Variants in LRP6 observed in about 807,000 individuals in gnomAD.
The protein encoded by LRP6 is low-density lipoprotein receptor-related protein 6.
LRP6 carries 43 observed loss-of-function variants against 184.1 expected under a neutral mutation model. The ratio of observed to expected loss-of-function variants is 0.23; its 90% CI spans 0.18 to 0.30. The LOEUF (loss-of-function observed/expected upper bound fraction) is 0.30, where lower values mean the gene tolerates loss of function less well. LRP6 is among the 10% of genes least tolerant of loss of function. The probability of loss-of-function intolerance (pLI) is 1.00; values close to 1 mark genes in which losing one functional copy is unlikely to be tolerated. For missense variants in LRP6, 1,571 were observed against 2,005.3 expected, an observed-to-expected ratio of 0.78 and a Z score of 4.14; for synonymous variants, 719 against 684.9, an observed-to-expected ratio of 1.05 and a Z score of -0.78.
At position 12,162,505 on chromosome 12, in the gene LRP6, G is replaced by A; in HGVS notation, c.2053-86C>T. On this transcript the variant is annotated intron_variant, in intron 9 of 22. Transcript: ENST00000261349. ...AGGTTTGGTTTGGTTTTTGTCAGGG[G>A]CAAGAGGATCCAGAAGTGCCAAGAG... The A allele has an allele frequency of 7.2e-6, 8 of 1,106,476 alleles. No homozygotes were observed. In the South Asian group the frequency reaches 9.9e-5, roughly 14 times the overall value. 68.5% of individuals were successfully genotyped at this position (1,106,476 alleles called of 1,614,324 possible).
intron 15 of LRP6, among the ~76,000 whole-genome samples, chr12:12,143,439 G>A (rs186759932): frequency 7.2e-5 from 11 of 152,156 alleles, no homozygotes; most frequent in East Asian, 3.9e-4. Flanking sequence ...TGGAAATTGC[G>A]GTAGTTAACA....
chr12:12,195,906 G>T (rs555110622), intron 3 of LRP6, among the ~76,000 whole-genome samples: 18 of 152,008 alleles, frequency 1.2e-4, no homozygotes, highest in Non-Finnish European at 2.5e-4. Flanking sequence ...TCTTCCACAT[G>T]TGGATATCCA....
intron 2 of LRP6, among the ~76,000 whole-genome samples, chr12:12,231,781 G>A (rs1004895832): frequency 6.6e-6 from 1 of 151,794 alleles, no homozygotes; most frequent in Non-Finnish European, 1.5e-5. Context: ...TTGGGAGGCT[G>A]AGATGGGCAG....
intron 1 of LRP6, among the ~76,000 whole-genome samples, chr12:12,265,119 TTA>T (rs1319315137): frequency 2.0e-5 from 3 of 152,238 alleles, no homozygotes; most frequent in African/African-American, 7.2e-5. Context: ...CCTATTAACC[TTA>T]TGTCTTAAAA....
At chr12:12,175,281 C>T (rs759684311) in intron 7 of LRP6, among the ~76,000 whole-genome samples, 16 of 151,934 alleles carry the variant, frequency 1.1e-4, no homozygotes, top group African/African-American at 3.6e-4. Flanking sequence ...CCCAGCTACT[C>T]GGGAGGCTGG....
At chr12:12,230,607 A>C (rs992953423) in intron 2 of LRP6, among the ~76,000 whole-genome samples, 2 of 152,216 alleles carry the variant, frequency 1.3e-5, no homozygotes, top group Non-Finnish European at 2.9e-5. Flanking sequence ...AGTCATTAAT[A>C]TACATATTAG....
Position 12,245,810 on chromosome 12 carries a change from G to A in LRP6, c.56-1155C>T, listed in dbSNP as rs74538230. Among the ~76,000 whole-genome samples, 1,231 of 151,964 alleles carry A rather than the reference G, an allele frequency of 8.1e-3. 22 individuals carry two copies. Among genetic ancestry groups the A allele is most frequent in the African/African-American group, 0.029 (1,190 of 41,448 alleles). On this transcript the variant is annotated intron_variant, in intron 1 of 22. Transcript: ENST00000261349. ...TATTAAATATCTATTCCAAGCTTCT[G>A]ACATTTACTTTCCTAGTATCAAGCA... is the stretch of plus-strand genomic sequence containing the variant.
intron 3 of LRP6, among the ~76,000 whole-genome samples, chr12:12,190,662 T>A (rs1441414006): frequency 6.6e-6 from 1 of 152,170 alleles, no homozygotes; most frequent in Non-Finnish European, 1.5e-5. Context: ...TTTCTGGACC[T>A]CCTCACAGAT....
chr12:12,191,484 A>T (rs1163987022), intron 3 of LRP6, among the ~76,000 whole-genome samples: 1 of 152,218 alleles, frequency 6.6e-6, no homozygotes, highest in Non-Finnish European at 1.5e-5. Flanking sequence ...CTGAATGTTC[A>T]AGCAAAACAG....
At chr12:12,170,791 TCA>T (rs10571241) in intron 7 of LRP6, among the ~76,000 whole-genome samples, 56,307 of 142,548 alleles carry the variant, frequency 0.4, 11,539 homozygotes, top group East Asian at 0.52. Context: ...TAAAATTACT[TCA>T]CACACACACA....
intron 6 of LRP6, among the ~76,000 whole-genome samples, chr12:12,180,700 T>C (rs900337148): frequency 1.3e-5 from 2 of 152,058 alleles, no homozygotes; most frequent in Non-Finnish European, 2.9e-5. Context: ...GTACTGAAAA[T>C]GGAATTAAAG....
chr12:12,117,014 C>T lies in LRP6; in HGVS notation c.*4112G>A, dbSNP rs912915390. The T allele has an allele frequency of 2.0e-4, 30 of 152,158 alleles. No individual in the cohort carries two copies. The highest frequency in any genetic ancestry group is 6.5e-4 in the African/African-American group (27 of 41,514). The allele number at this position is 152,158 out of a possible 1,614,324, so 9.4% of individuals were successfully genotyped here. A position where few individuals can be genotyped will look rare whatever the true frequency, so the allele number is the denominator to read the frequency against. ...TATACTTGAGGTCCAAAGTCTTCTACCATAAAATGTTGAGAATTTCAAAAG... is the reference window on the plus strand; with the variant it reads ...TATACTTGAGGTCCAAAGTCTTCTATCATAAAATGTTGAGAATTTCAAAAG... On this transcript the variant is annotated 3_prime_UTR_variant, in exon 23 of 23. Transcript: ENST00000261349.
chr12:12,147,370 G>C lies in LRP6; in HGVS notation c.3393C>G (p.Leu1131=), dbSNP rs1327975246. The C allele has an allele frequency of 6.2e-7, 1 of 1,614,112 alleles. No homozygotes were observed. The highest frequency in any genetic ancestry group is 2.2e-5 in the East Asian group (1 of 44,876). Residue 1131 remains leucine (L), a synonymous_variant, in exon 15 of 23, where the codon CTC becomes CTG. Transcript: ENST00000261349. ...SDLRRIESSD[L]SGANRIVLED... ...GGAAACATATTTCTTGGGTACCTGA[G>C]AGATCACTGCTTTCAATTCGCCGGA...
At chr12:12,223,744 T>A (rs1864547123) in intron 2 of LRP6, among the ~76,000 whole-genome samples, 1 of 152,218 alleles carries the variant, frequency 6.6e-6, no homozygotes, top group African/African-American at 2.4e-5. Context: ...AAGTGTACAC[T>A]GTATATAGTA....
At position 12,266,742 on chromosome 12, in the gene LRP6, T is replaced by C; in HGVS notation, c.-7A>G. 6.2e-7 allele frequency: 1 copy of C among 1,611,998 alleles called. No homozygotes were observed. Among genetic ancestry groups the C allele is most frequent in the East Asian group, 2.2e-5 (1 of 44,770 alleles). Reference sequence around the variant, plus strand: ...TCCTCAGGACGGCCCCCATCTTCCCTTCTCGCGTTCTCTTCTCTCACCGGC... The same window carrying C: ...TCCTCAGGACGGCCCCCATCTTCCCCTCTCGCGTTCTCTTCTCTCACCGGC... On this transcript the variant is annotated 5_prime_UTR_variant, in exon 1 of 23. Coordinates refer to ENST00000261349, the MANE Select transcript of LRP6 (RefSeq NM_002336.3).
intron 7 of LRP6, among the ~76,000 whole-genome samples, chr12:12,171,099 G>GTCTCTA (rs1863026038): frequency 6.6e-6 from 1 of 150,544 alleles, no homozygotes; most frequent in South Asian, 2.1e-4. Context: ...GTTCATGGTC[G>GTCTCTA]TCTCTACTCT....
intron 2 of LRP6, among the ~76,000 whole-genome samples, chr12:12,230,600 C>T (rs888434483): frequency 1.3e-5 from 2 of 151,864 alleles, no homozygotes. Context: ...TAAAATAAGT[C>T]ATTAATATAC....
intron 2 of LRP6, among the ~76,000 whole-genome samples, chr12:12,217,903 T>C (rs1323191673): frequency 6.6e-6 from 1 of 152,156 alleles, no homozygotes; most frequent in Non-Finnish European, 1.5e-5. Context: ...GACCTGATTG[T>C]AAAAGCTAAG....
At chr12:12,146,996 G>GA (rs1313722147) in intron 15 of LRP6, among the ~76,000 whole-genome samples, 2 of 152,176 alleles carry the variant, frequency 1.3e-5, no homozygotes, top group Non-Finnish European at 2.9e-5. Flanking sequence ...ACTAAAAATA[G>GA]AAAAAATTAG....
Sources: gnomAD v4.1 joint callset for allele counts (sites outside exome capture counted in the v4.1 genomes callset) on GRCh38, gnomAD v4.1.1 for gene constraint, MANE v1.5 for transcripts, NCBI Gene and HGNC (gene_info 2026-07-23, HGNC 2026-07-21) for gene names.